The following USP15 variants were observed in gnomAD, a reference collection of about 807,000 sequenced individuals.
The protein encoded by USP15 is ubiquitin specific peptidase 15, also known as ubiquitin carboxyl-terminal hydrolase 15.
Under a neutral mutation model 127.1 loss-of-function variants are expected in USP15, and 18 were observed. That is an observed-to-expected ratio of 0.14 (90% CI 0.10 to 0.21). The LOEUF is 0.21. USP15 is among the 10% of genes least tolerant of loss of function. The probability of loss-of-function intolerance (pLI) is 1.00; values close to 1 mark genes in which losing one functional copy is unlikely to be tolerated. For missense variants in USP15, 805 were observed against 1,159.9 expected, an observed-to-expected ratio of 0.69 and a Z score of 4.44; for synonymous variants, 364 against 393.7, an observed-to-expected ratio of 0.92 and a Z score of 0.89.
In USP15 at chr12:62,404,910, TG is replaced by T. The variant is rs2067818745; in HGVS notation, c.*538del. The T allele has an allele frequency of 6.6e-6, 1 of 152,120 alleles. No homozygotes were observed. The highest frequency in any genetic ancestry group is 1.5e-5 in the Non-Finnish European group (1 of 67,974). 9.4% of individuals were successfully genotyped at this position (152,120 alleles called of 1,614,324 possible). On this transcript the variant is annotated 3_prime_UTR_variant, in exon 22 of 22. Coordinates refer to ENST00000280377, the MANE Select transcript of USP15 (RefSeq NM_001252078.2). ...TTCAAATTTATCCCCGTAATCAATG[TG>T]GGCCTATTAAAAAACCAAATCATGA...
chr12:62,397,713 T>G (rs1268673401), intron 20 of USP15, among the ~76,000 whole-genome samples: 1 of 151,528 alleles, frequency 6.6e-6, no homozygotes, highest in Non-Finnish European at 1.5e-5. Context: ...AAAAATTAGT[T>G]GGGTGTGGTG....
At chr12:62,350,929 T>G (rs2065950120) in intron 7 of USP15, among the ~76,000 whole-genome samples, 1 of 152,106 alleles carries the variant, frequency 6.6e-6, no homozygotes, top group Admixed American at 6.6e-5. Flanking sequence ...CCAGCTGGGA[T>G]AAATATTTTA....
chr12:62,388,117 A>ATTTTTTTTTT (rs58192089), intron 11 of USP15, among the ~76,000 whole-genome samples: 13 of 106,600 alleles, frequency 1.2e-4, no homozygotes, highest in African/African-American at 1.4e-4. Flanking sequence ...AATGGTGAAG[A>ATTTTTTTTTT]TTTTTTTTTT....
In USP15 at chr12:62,410,376, CAAAAA is replaced by C. The variant is rs905480262; in HGVS notation, c.*6006_*6010del. ...TTAGAGTTGCCCTTATTTTAAAAAA[CAAAAA>C]AAAAGTAAAGATGGGAAAATTACTT... is the stretch of plus-strand genomic sequence containing the variant. On this transcript the variant is annotated 3_prime_UTR_variant, in exon 22 of 22. Transcript: ENST00000280377. 6.1e-5 allele frequency: 9 copies of C among 148,386 alleles called. No individual in the cohort carries two copies. The highest frequency in any genetic ancestry group is 1.2e-4 in the Non-Finnish European group (8 of 66,926). The allele number at this position is 148,386 out of a possible 1,614,324, so 9.2% of individuals were successfully genotyped here.
intron 5 of USP15, among the ~76,000 whole-genome samples, chr12:62,321,912 T>C (rs2064996591): frequency 6.6e-6 from 1 of 152,236 alleles, no homozygotes; most frequent in Non-Finnish European, 1.5e-5. Context: ...GAGCATCTCT[T>C]ATTTACACAG....
At chr12:62,387,117 T>C (rs1330942596) in intron 11 of USP15, among the ~76,000 whole-genome samples, 1 of 152,182 alleles carries the variant, frequency 6.6e-6, no homozygotes, top group East Asian at 1.9e-4. Context: ...TTGGATATGC[T>C]GACTTACAGA....
At chr12:62,376,888 A>G (rs981081956) in intron 8 of USP15, among the ~76,000 whole-genome samples, 12 of 152,176 alleles carry the variant, frequency 7.9e-5, no homozygotes, top group African/African-American at 2.7e-4. Context: ...CACATGGAAG[A>G]TTTTTAAAAC....
intron 3 of USP15, chr12:62,303,417 A>G (rs942035108): frequency 1.3e-5 from 2 of 152,470 alleles, no homozygotes; most frequent in South Asian, 2.1e-4. Context: ...AGAATAACCA[A>G]TTTCGTTTTT....
intron 8 of USP15, among the ~76,000 whole-genome samples, chr12:62,372,694 A>AT (rs2137532349): frequency 6.6e-6 from 1 of 152,144 alleles, no homozygotes; most frequent in East Asian, 1.9e-4. Context: ...ATAAAGAACC[A>AT]TTTTTTCATA....
intron 14 of USP15, among the ~76,000 whole-genome samples, chr12:62,390,460 T>A (rs2067287949): frequency 6.6e-6 from 1 of 152,174 alleles, no homozygotes; most frequent in African/African-American, 2.4e-5. Flanking sequence ...ATCAAGAATG[T>A]CATTTGATCC....
rs957436000 is a variant in USP15 at position 62,391,827 on chromosome 12, C to A, written c.2245C>A (p.Leu749Ile). 1 of 1,606,914 alleles carries A rather than the reference C, an allele frequency of 6.2e-7. No individual in the cohort carries two copies. The highest frequency in any genetic ancestry group is 8.5e-7 in the Non-Finnish European group (1 of 1,176,432). The change falls in exon 17 of 22, where the codon CTT becomes ATT. Residue 749 changes from leucine (L) to isoleucine (I), a missense_variant. Around this residue, in one of 11 missense-constraint regions of USP15, gnomAD observed 225 missense variants for 239.5 expected, o/e 0.94. Transcript: ENST00000280377. ...RQLRLDERSF[L>I]ALDWDPDLKK... ...GTTTTCCACCTTAGAAAGATCTTTT[C>A]TTGCTTTGGATTGGGATCCTGATTT...
intron 20 of USP15, among the ~76,000 whole-genome samples, chr12:62,398,246 G>A (rs2067562119): frequency 6.6e-6 from 1 of 152,042 alleles, no homozygotes; most frequent in Non-Finnish European, 1.5e-5. Context: ...TCCTACCTCA[G>A]CCTCCTGAGT....
chr12:62,377,470 A>C (rs537279834), intron 8 of USP15, among the ~76,000 whole-genome samples: 2 of 152,236 alleles, frequency 1.3e-5, no homozygotes, highest in Non-Finnish European at 2.9e-5. Flanking sequence ...CTGTAATCCT[A>C]GCACTTTGAG....
intron 8 of USP15, among the ~76,000 whole-genome samples, chr12:62,372,235 A>G (rs1004446224): frequency 6.6e-6 from 1 of 152,114 alleles, no homozygotes; most frequent in Non-Finnish European, 1.5e-5. Context: ...GGAGGGTCAG[A>G]GAGCTACCTA....
intron 1 of USP15, among the ~76,000 whole-genome samples, chr12:62,290,727 C>G (rs571473771): frequency 6.6e-6 from 1 of 152,096 alleles, no homozygotes; most frequent in Non-Finnish European, 1.5e-5. Context: ...TACTTTCTTA[C>G]ATTTTTATGA....
chr12:62,276,739 AT>A (rs1169025457), intron 1 of USP15, among the ~76,000 whole-genome samples: 1 of 152,096 alleles, frequency 6.6e-6, no homozygotes, highest in Non-Finnish European at 1.5e-5. Flanking sequence ...CTTGAAGAAA[AT>A]TCTTCAAGAC....
At chr12:62,398,742 C>G (rs973985420) in intron 20 of USP15, among the ~76,000 whole-genome samples, 1 of 152,100 alleles carries the variant, frequency 6.6e-6, no homozygotes, top group African/African-American at 2.4e-5. Flanking sequence ...TATACATTCC[C>G]CATTTAGATA....
At chr12:62,328,354 T>C (rs963265431) in intron 6 of USP15, 12 of 447,150 alleles carry the variant, frequency 2.7e-5, no homozygotes, top group Non-Finnish European at 5.0e-5. Context: ...AAAGCAGCCT[T>C]AGACATCATG....
intron 4 of USP15, among the ~76,000 whole-genome samples, 154 bp from the exon 5 acceptor site, chr12:62,321,310 C>G (rs1170180546): frequency 6.6e-6 from 1 of 151,744 alleles, no homozygotes; most frequent in Admixed American, 6.6e-5. Context: ...TCTTAAAAAC[C>G]CTTTTGTTGG....
Sources: gnomAD v4.1 joint callset for allele counts (sites outside exome capture counted in the v4.1 genomes callset) on GRCh38, gnomAD v4.1.1 for gene constraint, gnomAD v4.1.1 regional missense constraint, MANE v1.5 for transcripts, NCBI Gene and HGNC (gene_info 2026-07-23, HGNC 2026-07-21) for gene names.